The following TAF4 variants were observed in gnomAD, a reference collection of about 807,000 sequenced individuals.
TAF4 encodes the protein transcription initiation factor TFIID subunit 4.
A neutral mutation model predicts 90.3 loss-of-function variants in TAF4; 9 were observed. The ratio of observed to expected loss-of-function variants is 0.10; its 90% CI spans 0.06 to 0.17. The LOEUF (loss-of-function observed/expected upper bound fraction) is 0.17. Ranked by LOEUF, TAF4 falls within the 10% of genes least tolerant of loss-of-function variation. The pLI is 1.00. For missense variants in TAF4, 1,351 were observed against 1,370.7 expected (o/e 0.99, Z 0.23); for synonymous variants, 818 against 638.9 (o/e 1.28, Z -4.23).
At chr20:62,033,967 G>C (rs1014439463) in intron 1 of TAF4, among the ~76,000 whole-genome samples, 1 of 151,604 alleles carries the variant, frequency 6.6e-6, no homozygotes, top group African/African-American at 2.4e-5. Flanking sequence ...GCGTGAACCC[G>C]TGAGGCAGAG....
At chr20:62,061,304 A>G (rs538666528) in intron 1 of TAF4, among the ~76,000 whole-genome samples, 1 of 152,294 alleles carries the variant, frequency 6.6e-6, no homozygotes, top group Admixed American at 6.5e-5. Flanking sequence ...ATGGGAACCA[A>G]TGCTCCAGAC....
intron 1 of TAF4, among the ~76,000 whole-genome samples, chr20:62,023,162 C>A (rs549532909): frequency 6.6e-6 from 1 of 152,372 alleles, no homozygotes; most frequent in African/African-American, 2.4e-5. Context: ...AAAGGTCAGG[C>A]TGGCCGCAGT....
At chr20:61,984,232 C>T (rs1281092703) in intron 14 of TAF4, among the ~76,000 whole-genome samples, 1 of 152,194 alleles carries the variant, frequency 6.6e-6, no homozygotes, top group Non-Finnish European at 1.5e-5. Flanking sequence ...ACGCTGACTG[C>T]ACCACCCAGA....
intron 1 of TAF4, among the ~76,000 whole-genome samples, chr20:62,039,556 G>C (rs1203679861): frequency 6.6e-6 from 1 of 152,130 alleles, no homozygotes; most frequent in Non-Finnish European, 1.5e-5. Flanking sequence ...ATGACTCACT[G>C]GATTTATTTA....
chr20:61,985,717 T>A (rs1368556460), intron 14 of TAF4, among the ~76,000 whole-genome samples: 1 of 150,808 alleles, frequency 6.6e-6, no homozygotes, highest in Non-Finnish European at 1.5e-5. Flanking sequence ...TCAGACTAGA[T>A]CCTGAGGCCT....
At chr20:62,023,013 A>T (rs952152648) in intron 1 of TAF4, among the ~76,000 whole-genome samples, 1 of 152,232 alleles carries the variant, frequency 6.6e-6, no homozygotes, top group Non-Finnish European at 1.5e-5. Context: ...AATAGTTAAG[A>T]TGTCAACTCC....
intron 1 of TAF4, among the ~76,000 whole-genome samples, chr20:62,026,612 C>T (rs528798336): frequency 3.9e-5 from 6 of 152,272 alleles, no homozygotes; most frequent in African/African-American, 1.2e-4. Flanking sequence ...GGACAGACTG[C>T]GCGCACCCTC....
In TAF4 at chr20:61,976,091, T is replaced by C; in HGVS notation, c.*77A>G. 1 of 1,522,020 alleles carries C rather than the reference T, an allele frequency of 6.6e-7. No homozygotes were observed. The highest frequency in any genetic ancestry group is 2.3e-5 in the East Asian group (1 of 44,112). 94.3% of individuals were successfully genotyped at this position (1,522,020 alleles called of 1,614,324 possible). A position where few individuals can be genotyped will look rare whatever the true frequency, so the allele number is the denominator to read the frequency against. ...CCATTGTAAAGAGGTGGCTGTTTTTTAAACAATATCCCATTTGCTCGTTAC... is the reference window on the plus strand; with the variant it reads ...CCATTGTAAAGAGGTGGCTGTTTTTCAAACAATATCCCATTTGCTCGTTAC... On this transcript the variant is annotated 3_prime_UTR_variant, in exon 15 of 15. Coordinates refer to ENST00000252996, the MANE Select transcript of TAF4 (RefSeq NM_003185.4).
At position 62,024,081 on chromosome 20, in the gene TAF4, A is replaced by G. The variant is rs572422491; in HGVS notation, c.1361-9374T>C. On this transcript the variant is annotated intron_variant, in intron 1 of 14. Transcript: ENST00000252996. ...TGACACAGTGAGATCCCCGTCTAAA[A>G]AAAGCTCCAGTAACCAGGACAGCAC... 2.6e-5 allele frequency among the ~76,000 whole-genome samples: 4 copies of G among 152,258 alleles called. No homozygotes were observed. In the South Asian group the frequency reaches 8.3e-4, roughly 32 times the overall value.
intron 1 of TAF4, among the ~76,000 whole-genome samples, chr20:62,062,460 G>C (rs1186688976): frequency 6.6e-6 from 1 of 151,924 alleles, no homozygotes; most frequent in African/African-American, 2.4e-5. Flanking sequence ...TTCCTCATCA[G>C]TAGATCAACT....
In TAF4 at chr20:62,065,281, C is replaced by G; in HGVS notation, c.530G>C (p.Gly177Ala). ...GCCAGGGCCGGGGCCGGGGCCGGGG[C>G]CGGGCCCGGGGCCGGGGCCGGCGCG... ...AARAGPGPGP[G>A]PGPGPGPGPG... The change falls in exon 1 of 15, where the codon GGC (glycine) becomes GCC (alanine). Residue 177 changes from glycine to alanine, a missense_variant. Around this residue, in one of 9 missense-constraint regions of TAF4, gnomAD observed 782 missense variants for 536.6 expected, o/e 1.46. Transcript: ENST00000252996. 2 of 908,086 alleles carry G rather than the reference C, an allele frequency of 2.2e-6. No individual in the cohort carries two copies. The highest frequency in any genetic ancestry group is 2.6e-6 in the Non-Finnish European group (2 of 773,468). 56.3% of individuals were successfully genotyped at this position (908,086 alleles called of 1,614,324 possible).
chr20:62,007,797 A>T (rs1041478206), intron 5 of TAF4, 161 bp from the exon 6 acceptor site: 5 of 641,662 alleles, frequency 7.8e-6, no homozygotes, highest in Non-Finnish European at 1.3e-5. Flanking sequence ...TCACAGGTAC[A>T]TGTGTGACAG....
intron 1 of TAF4, among the ~76,000 whole-genome samples, chr20:62,043,349 TATA>T (rs2055974724): frequency 6.6e-6 from 1 of 152,206 alleles, no homozygotes; most frequent in African/African-American, 2.4e-5. Context: ...TGCACAGCTG[TATA>T]ATGTGTTTGT....
chr20:62,041,158 C>G (rs1044717563), intron 1 of TAF4, among the ~76,000 whole-genome samples: 2 of 152,208 alleles, frequency 1.3e-5, no homozygotes. Context: ...AACACCTTCC[C>G]GTCCAGGGCT....
Position 62,052,578 on chromosome 20 carries a change from G to A in TAF4, c.1360+11873C>T, listed in dbSNP as rs545521043. On this transcript the variant is annotated intron_variant, in intron 1 of 14. Coordinates refer to ENST00000252996, the MANE Select transcript of TAF4 (RefSeq NM_003185.4). ...TCCCCTGCATCACTAGAATGTCCCC[G>A]CCCAGGTGTCTGGGCTGGGATCTTG... Among the ~76,000 whole-genome samples, 273 of 151,330 alleles carry A rather than the reference G, an allele frequency of 1.8e-3. 4 individuals are homozygous for A. Among genetic ancestry groups the A allele is most frequent in the Admixed American group, 0.018 (268 of 15,204 alleles).
intron 12 of TAF4, among the ~76,000 whole-genome samples, chr20:61,998,501 C>A (rs1481748023): frequency 6.6e-6 from 1 of 152,166 alleles, no homozygotes; most frequent in East Asian, 1.9e-4. Flanking sequence ...CTCATAGGCT[C>A]CTTGCTGTCC....
chr20:61,994,588 C>T (rs887506133), intron 14 of TAF4, among the ~76,000 whole-genome samples: 12 of 152,240 alleles, frequency 7.9e-5, no homozygotes. Flanking sequence ...CTCCTCTCCA[C>T]ACCAGGCAGC....
intron 4 of TAF4, among the ~76,000 whole-genome samples, chr20:62,009,587 T>C (rs930263024): frequency 6.6e-6 from 1 of 152,212 alleles, no homozygotes; most frequent in Non-Finnish European, 1.5e-5. Context: ...AGGCGTCAAG[T>C]GGGGCCCACT....
Position 62,065,280 on chromosome 20 carries a change from G to A in TAF4, c.531C>T (p.Gly177=), listed in dbSNP as rs188510634. 7.0e-4 allele frequency: 181 copies of A among 257,216 alleles called. 2 individuals are homozygous for A. The Middle Eastern group carries it at 9.2e-3, about 13-fold the overall frequency. 15.9% of individuals were successfully genotyped at this position (257,216 alleles called of 1,614,324 possible). A position where few individuals can be genotyped will look rare whatever the true frequency, so the allele number is the denominator to read the frequency against. Residue 177 remains glycine (G), a synonymous_variant, in exon 1 of 15, where the codon GGC becomes GGT. Transcript: ENST00000252996. ...AARAGPGPGP[G]PGPGPGPGPG... is the part of the protein sequence containing the mutation. ...GGCCAGGGCCGGGGCCGGGGCCGGG[G>A]CCGGGCCCGGGGCCGGGGCCGGCGC...
Sources: gnomAD v4.1 joint callset for allele counts (sites outside exome capture counted in the v4.1 genomes callset) on GRCh38, gnomAD v4.1.1 for gene constraint, gnomAD v4.1.1 regional missense constraint, MANE v1.5 for transcripts, NCBI Gene and HGNC (gene_info 2026-07-23, HGNC 2026-07-21) for gene names.